The following MRPL9 variants were observed in gnomAD, a reference collection of about 807,000 sequenced individuals.
MRPL9 encodes mitochondrial ribosomal protein L9, also known as large ribosomal subunit protein bL9m.
In MRPL9, 25 loss-of-function variants were observed where a neutral mutation model predicts 27.6. The ratio of observed to expected loss-of-function variants is 0.91; its 90% CI spans 0.66 to 1.27. The LOEUF (loss-of-function observed/expected upper bound fraction) is 1.27, where lower values mean the gene tolerates loss of function less well. MRPL9 is among the 50% of genes most tolerant of loss of function. MRPL9 has a pLI of 0.00. For missense variants in MRPL9, 362 were observed against 338.0 expected (o/e 1.07, Z -0.56); for synonymous variants, 154 against 139.0 (o/e 1.11, Z -0.76).
Position 151,762,118 on chromosome 1 carries a change from T to A in MRPL9, c.473A>T (p.Lys158Met). 1 of 1,614,198 alleles carries A rather than the reference T, an allele frequency of 6.2e-7. No homozygotes were observed. Among genetic ancestry groups the A allele is most frequent in the Non-Finnish European group, 8.5e-7 (1 of 1,180,026 alleles). The change falls in exon 4 of 7, where the codon AAG (lysine) becomes ATG (methionine). Residue 158 changes from lysine (K) to methionine (M), a missense_variant. Coordinates refer to ENST00000368830, the MANE Select transcript of MRPL9 (RefSeq NM_031420.4). ...QEGKLEKIQT[K>M]AGEATVKFLK... ...GTTTCTACTCACCGCCTCACCTGCCTTGGTCTGGATCTTCTCTAATTTTCC... is the reference window on the plus strand; with the variant it reads ...GTTTCTACTCACCGCCTCACCTGCCATGGTCTGGATCTTCTCTAATTTTCC...
At chr1:151,760,576 C>CAAAAAAA (rs11454049) in intron 6 of MRPL9, among the ~76,000 whole-genome samples, 2 of 50,334 alleles carry the variant, frequency 4.0e-5, no homozygotes, top group South Asian at 1.0e-3. Context: ...GACTCCAGCT[C>CAAAAAAA]AAAAAAAAAA....
rs1169456086 is a variant in MRPL9, at chr1:151,763,327, C to T, written c.153G>A (p.Arg51=). The T allele has an allele frequency of 2.5e-6, 4 of 1,594,736 alleles. No homozygotes were observed. Among genetic ancestry groups the T allele is most frequent in the Admixed American group, 1.7e-5 (1 of 58,232 alleles). The change falls in exon 1 of 7, where the codon CGG becomes CGA. Residue 51 remains arginine (R), a splice_region_variant and synonymous_variant. Coordinates refer to ENST00000368830, the MANE Select transcript of MRPL9 (RefSeq NM_031420.4). ...LACNFSLSQN[R]GTVIVERWWK... The stretch of plus-strand genomic sequence containing the variant: ...CCCCTACCCCAGACTCAGCCCTCAC[C>T]CGATTTTGAGAAAGGCTGAAGTTGC...
At chr1:151,761,342 AC>A in intron 5 of MRPL9, 108 bp downstream of exon 5, 2 of 787,886 alleles carry the variant, frequency 2.5e-6, no homozygotes, top group Non-Finnish European at 4.5e-6. Context: ...TTCCTTAACT[AC>A]AACTGGATGA....
At position 151,763,488 on chromosome 1, in the gene MRPL9, G is replaced by A. The variant is rs763508241; in HGVS notation, c.-9C>T. Reference sequence around the variant, plus strand: ...ACAACGGGCGCCGCCATGTTCACAGGCACAGAATGAGACCTGAGGGAGGAC... The same window carrying A: ...ACAACGGGCGCCGCCATGTTCACAGACACAGAATGAGACCTGAGGGAGGAC... On this transcript the variant is annotated 5_prime_UTR_variant, in exon 1 of 7. Coordinates refer to ENST00000368830, the MANE Select transcript of MRPL9 (RefSeq NM_031420.4). The A allele has an allele frequency of 1.3e-6, 2 of 1,568,024 alleles. No homozygotes were observed. The highest frequency in any genetic ancestry group is 1.2e-5 in the South Asian group (1 of 85,984).
chr1:151,762,673 G>A, intron 2 of MRPL9, 173 bp from the exon 3 acceptor site: 2 of 707,044 alleles, frequency 2.8e-6, no homozygotes, highest in Admixed American at 3.0e-5. Context: ...AGTTTCTTTA[G>A]AACTTGATGT....
Position 151,763,011 on chromosome 1 carries a change from T to C in MRPL9, c.289A>G (p.Ile97Val), listed in dbSNP as rs774478098. The C allele has an allele frequency of 6.2e-7, 1 of 1,612,480 alleles. No individual in the cohort carries two copies. The highest frequency in any genetic ancestry group is 1.3e-5 in the African/African-American group (1 of 74,888). The change falls in exon 2 of 7, where the codon ATC becomes GTC. Residue 97 changes from isoleucine to valine, a missense_variant. By Grantham distance (29) the Ile-to-Val change is conservative (BLOSUM62 3). Transcript: ENST00000368830. ...KHRPKENLEL[I>V]LTQSVENVGV... ...TTACTCTCCACCGACTGCGTCAGGATGAGCTCCAGGTTTTCTTTGGGCCGA... is the reference window on the plus strand; with the variant it reads ...TTACTCTCCACCGACTGCGTCAGGACGAGCTCCAGGTTTTCTTTGGGCCGA...
In MRPL9 at chr1:151,760,903, C is replaced by CCAAAAAAAAAAAAA. The variant is rs1648035175; in HGVS notation, c.589-5_589-4insTTTTTTTTTTTTTG. 1 of 734,296 alleles carries CCAAAAAAAAAAAAA rather than the reference C, an allele frequency of 1.4e-6. No homozygotes were observed. Among genetic ancestry groups the CCAAAAAAAAAAAAA allele is most frequent in the Non-Finnish European group, 1.8e-6 (1 of 569,278 alleles). 45.5% of individuals were successfully genotyped at this position (734,296 alleles called of 1,614,324 possible). On this transcript the variant is annotated splice_polypyrimidine_tract_variant and splice_region_variant and intron_variant, in intron 5 of 6. Coordinates refer to ENST00000368830, the MANE Select transcript of MRPL9 (RefSeq NM_031420.4). ...GTGGGGCAACCACAACACCAAGCTG[C>CCAAAAAAAAAAAAA]AAAAAAAAAAAAAAAAAAAAAAATC...
chr1:151,762,950 C>T (rs764802001), intron 2 of MRPL9, 40 bp downstream of exon 2: 8 of 1,596,280 alleles, frequency 5.0e-6, no homozygotes, highest in Non-Finnish European at 6.8e-6. Flanking sequence ...GATGCCAAAC[C>T]GGACCAGCCT....
chr1:151,763,183 C>T (rs1453191792), intron 1 of MRPL9, 37 bp from the exon 2 acceptor site: 1 of 1,601,940 alleles, frequency 6.2e-7, no homozygotes, highest in South Asian at 1.1e-5. Flanking sequence ...CTAGTCTCCA[C>T]AAGGAACACC....
chr1:151,761,560 G>A lies in MRPL9; in HGVS notation c.487-8C>T, dbSNP rs1225145319. 1 of 1,595,838 alleles carries A rather than the reference G, an allele frequency of 6.3e-7. No individual in the cohort carries two copies. Among genetic ancestry groups the A allele is most frequent in the Admixed American group, 1.7e-5 (1 of 59,994 alleles). On this transcript the variant is annotated splice_polypyrimidine_tract_variant and splice_region_variant and intron_variant, in intron 4 of 6. Coordinates refer to ENST00000368830, the MANE Select transcript of MRPL9 (RefSeq NM_031420.4). Reference sequence around the variant, plus strand: ...TTTTAGAAATTTCACTGTCTGAAAGGAATTATGAGTTTGAGTCAAAGGAGA... The same window carrying A: ...TTTTAGAAATTTCACTGTCTGAAAGAAATTATGAGTTTGAGTCAAAGGAGA...
In MRPL9 at chr1:151,760,855, C is replaced by A; in HGVS notation, c.633G>T (p.Glu211Asp). Residue 211 changes from glutamate (E) to aspartate (D), a missense_variant, in exon 6 of 7, where the codon GAG becomes GAT. By Grantham distance (45) the Glu-to-Asp change is conservative. Transcript: ENST00000368830. ...AATACTCGCCCCACCGTGTGATAGG[C>A]TCTTCTGGTAACTTTAATGTATGTG... is the stretch of plus-strand genomic sequence containing the variant. The part of the protein sequence containing the change: ...VAPHTLKLPE[E>D]PITRWGEYWC... 1 of 1,588,478 alleles carries A rather than the reference C, an allele frequency of 6.3e-7. No homozygotes were observed. The highest frequency in any genetic ancestry group is 8.5e-7 in the Non-Finnish European group (1 of 1,172,774).
Position 151,762,580 on chromosome 1 carries a change from C to G in MRPL9, c.311-80G>C, listed in dbSNP as rs531773449. ...AAAGATGTCAAAAAGAGAAGCACCT[C>G]TTAGTTTCTCACAGTGCTTATTTTT... On this transcript the variant is annotated intron_variant, in intron 2 of 6. Coordinates refer to ENST00000368830, the MANE Select transcript of MRPL9 (RefSeq NM_031420.4). 1.4e-6 allele frequency: 2 copies of G among 1,440,244 alleles called. 1 individual carries two copies. The highest frequency in any genetic ancestry group is 2.6e-5 in the South Asian group (2 of 78,132). 89.2% of individuals were successfully genotyped at this position (1,440,244 alleles called of 1,614,324 possible). A position where few individuals can be genotyped will look rare whatever the true frequency, so the allele number is the denominator to read the frequency against.
chr1:151,762,003 T>C, intron 4 of MRPL9, 102 bp downstream of exon 4: 1 of 1,171,466 alleles, frequency 8.5e-7, no homozygotes, highest in East Asian at 2.3e-5. Context: ...TTTCTCCCAC[T>C]CTTGGGTCTG....
chr1:151,761,519 C>T lies in MRPL9; in HGVS notation c.520G>A (p.Val174Ile), dbSNP rs767049153. 10 of 1,613,820 alleles carry T rather than the reference C, an allele frequency of 6.2e-6. No homozygotes were observed. The highest frequency in any genetic ancestry group is 8.5e-6 in the Non-Finnish European group (10 of 1,179,770). ...VKFLKSCRLE[V>I]GMKNNVKWEL... ...CATTTGACATTGTTCTTCATCCCTA[C>T]CTCCAGGCGACAGCTTTTTAGAAAT... The change falls in exon 5 of 7, where the codon GTA (valine) becomes ATA (isoleucine). Residue 174 changes from valine (V) to isoleucine (I), a missense_variant. Physicochemically the swap from Val to Ile is conservative, Grantham distance 29. Transcript: ENST00000368830.
At position 151,760,077 on chromosome 1, in the gene MRPL9, A is replaced by G. The variant is rs756599460; in HGVS notation, c.777T>C (p.Ala259=). Residue 259 remains alanine, a synonymous_variant, in exon 7 of 7, where the codon GCT becomes GCC. Coordinates refer to ENST00000368830, the MANE Select transcript of MRPL9 (RefSeq NM_031420.4). The part of the protein sequence containing the change: ...KYWLAQQAAK[A]MAPTSPQI ...AGATCTGGGGGCTGGTGGGGGCCATAGCCTTGGCAGCTTGCTGGGCTAACC... is the reference window on the plus strand; with the variant it reads ...AGATCTGGGGGCTGGTGGGGGCCATGGCCTTGGCAGCTTGCTGGGCTAACC... 3.1e-6 allele frequency: 5 copies of G among 1,614,078 alleles called. No homozygotes were observed. Among genetic ancestry groups the G allele is most frequent in the Non-Finnish European group, 4.2e-6 (5 of 1,180,002 alleles).
rs182288061 is a variant in MRPL9 at position 151,762,090 on chromosome 1, T to C, written c.486+15A>G. ...AGTCTTGTGACAAATAAACACTTTT[T>C]ATGTTTCTACTCACCGCCTCACCTG... On this transcript the variant is annotated intron_variant, in intron 4 of 6. Coordinates refer to ENST00000368830, the MANE Select transcript of MRPL9 (RefSeq NM_031420.4). 203 of 1,613,848 alleles carry C rather than the reference T, an allele frequency of 1.3e-4. No homozygotes were observed. The highest frequency in any genetic ancestry group is 9.3e-4 in the Admixed American group (56 of 60,020).
At chr1:151,762,668 CT>C in intron 2 of MRPL9, 168 bp from the exon 3 acceptor site, 1 of 721,690 alleles carries the variant, frequency 1.4e-6, no homozygotes, top group Non-Finnish European at 2.2e-6. Flanking sequence ...TAATTAGTTT[CT>C]TTAGAACTTG....
chr1:151,760,181 C>A lies in MRPL9; in HGVS notation c.673G>T (p.Val225Leu). Residue 225 changes from valine to leucine, a missense_variant and splice_region_variant, in exon 7 of 7, where the codon GTA becomes TTA. Transcript: ENST00000368830. ...RWGEYWCEVT[V>L]NGLDTVRVPM... ...ACTCTCACAGTATCAAGCCCATTTA[C>A]CTGCACACAAAACAATGGGAATTCT... The A allele has an allele frequency of 6.8e-6, 11 of 1,614,070 alleles. No individual in the cohort carries two copies. The highest frequency in any genetic ancestry group is 9.3e-6 in the Non-Finnish European group (11 of 1,179,980).
chr1:151,761,633 A>C, intron 4 of MRPL9, 81 bp from the exon 5 acceptor site: 1 of 1,048,622 alleles, frequency 9.5e-7, no homozygotes, highest in Non-Finnish European at 1.5e-6. Context: ...AAGATGGCTC[A>C]TGCCTGTAAT....
Sources: allele counts gnomAD v4.1 joint callset (sites outside exome capture counted in the v4.1 genomes callset), GRCh38; gene constraint gnomAD v4.1.1; transcripts MANE v1.5; gene names NCBI Gene and HGNC (gene_info 2026-07-23, HGNC 2026-07-21).